Variants in TENM2 observed in about 807,000 individuals in gnomAD.
TENM2 encodes the protein teneurin transmembrane protein 2, also known as teneurin-2.
A neutral mutation model predicts 245.2 loss-of-function variants in TENM2; 52 were observed. The ratio of observed to expected loss-of-function variants is 0.21; its 90% CI spans 0.17 to 0.27. The LOEUF (loss-of-function observed/expected upper bound fraction) is 0.27. TENM2 is among the 10% of genes least tolerant of loss of function. The pLI is 1.00. For missense variants in TENM2, 3,046 were observed against 3,666.8 expected, an observed-to-expected ratio of 0.83 and a Z score of 4.37; for synonymous variants, 1,363 against 1,438.9, an observed-to-expected ratio of 0.95 and a Z score of 1.19.
intron 13 of TENM2, among the ~76,000 whole-genome samples, chr5:168,165,619 A>T (rs1381454152): frequency 2.2e-4 from 24 of 107,194 alleles, no homozygotes; most frequent in South Asian, 1.1e-3. Context: ...AGGGTTGCCC[A>T]CCAGGCACAA....
the TENM2 span, among the ~76,000 whole-genome samples, chr5:167,202,723 C>G: frequency 2.6e-5 from 4 of 152,126 alleles, no homozygotes; most frequent in Non-Finnish European, 5.9e-5. Flanking sequence ...ATCAGGACAT[C>G]TCTAAACTAT....
chr5:167,808,928 A>G (rs994718088), intron 2 of TENM2, among the ~76,000 whole-genome samples: 1 of 152,204 alleles, frequency 6.6e-6, no homozygotes, highest in Non-Finnish European at 1.5e-5. Context: ...TGCAAGATGT[A>G]TCATTGTTTT....
At chr5:167,986,635 T>C (rs1439063466) in intron 4 of TENM2, among the ~76,000 whole-genome samples, 2 of 152,130 alleles carry the variant, frequency 1.3e-5, no homozygotes, top group African/African-American at 2.4e-5. Flanking sequence ...CTGAGAGCAA[T>C]TGAGTTGTGC....
chr5:167,087,333 G>A, the TENM2 span, among the ~76,000 whole-genome samples: 2 of 152,134 alleles, frequency 1.3e-5, no homozygotes, highest in African/African-American at 4.8e-5. Flanking sequence ...ATCTACATGA[G>A]CAGAACTTTC....
At chr5:167,577,738 G>A (rs1393418893) in intron 2 of TENM2, among the ~76,000 whole-genome samples, 1 of 151,864 alleles carries the variant, frequency 6.6e-6, no homozygotes, top group Non-Finnish European at 1.5e-5. Context: ...GCTATCGAGC[G>A]CTGACTATAT....
At chr5:168,021,338 G>T (rs535069157) in intron 5 of TENM2, among the ~76,000 whole-genome samples, 1 of 152,318 alleles carries the variant, frequency 6.6e-6, no homozygotes, top group Non-Finnish European at 1.5e-5. Context: ...AGCAGTATTT[G>T]CTTAAAGGAG....
At chr5:167,225,051 G>T in the TENM2 span, among the ~76,000 whole-genome samples, 1 of 151,838 alleles carries the variant, frequency 6.6e-6, no homozygotes, top group East Asian at 1.9e-4. Context: ...TATGTTTATT[G>T]TGTATCCTGC....
At chr5:167,968,659 T>TAAC (rs1159277809) in intron 4 of TENM2, among the ~76,000 whole-genome samples, 3 of 152,232 alleles carry the variant, frequency 2.0e-5, no homozygotes, top group Non-Finnish European at 2.9e-5. Context: ...TTGCTTTACT[T>TAAC]AACACTGGTA....
At chr5:168,165,648 A>ACCCCCCCCCCCCCCC (rs34203413) in intron 13 of TENM2, among the ~76,000 whole-genome samples, 7 of 30,942 alleles carry the variant, frequency 2.3e-4, no homozygotes, top group Non-Finnish European at 2.8e-4. Context: ...CCCCCCCCCA[A>ACCCCCCCCCCCCCCC]CCCCCCCCCC....
chr5:167,524,884 T>G (rs1391363945), intron 2 of TENM2, among the ~76,000 whole-genome samples: 3 of 151,852 alleles, frequency 2.0e-5, no homozygotes, highest in Non-Finnish European at 2.9e-5. Flanking sequence ...TTCTCTCTAT[T>G]ACAAATTAAA....
chr5:167,104,551 T>C, the TENM2 span, among the ~76,000 whole-genome samples: 2 of 152,228 alleles, frequency 1.3e-5, no homozygotes, highest in Non-Finnish European at 2.9e-5. Flanking sequence ...TGCCTTACCT[T>C]GTAAAGGGTA....
At chr5:168,108,283 C>A (rs1794410978) in intron 9 of TENM2, among the ~76,000 whole-genome samples, 1 of 152,192 alleles carries the variant, frequency 6.6e-6, no homozygotes, top group Non-Finnish European at 1.5e-5. Context: ...AATTTACGTG[C>A]ATTATGTCAT....
intron 9 of TENM2, among the ~76,000 whole-genome samples, chr5:168,107,556 G>C (rs1225493309): frequency 4.0e-5 from 1 of 25,122 alleles, no homozygotes; most frequent in African/African-American, 1.6e-4. Flanking sequence ...CAAGCCTCCT[G>C]GGGGGGGGGT....
At chr5:167,882,986 T>C (rs1486244270) in intron 3 of TENM2, among the ~76,000 whole-genome samples, 1 of 152,156 alleles carries the variant, frequency 6.6e-6, no homozygotes, top group Non-Finnish European at 1.5e-5. Flanking sequence ...TGTTAGAGGC[T>C]CCCCAACTCC....
intron 25 of TENM2, 30 bp downstream of exon 27, chr5:168,228,160 A>G (rs765258730): frequency 1.4e-5 from 22 of 1,553,080 alleles, no homozygotes; most frequent in Non-Finnish European, 2.0e-5. Context: ...CTGTTACCAC[A>G]GAGTGGGAGG....
intron 2 of TENM2, among the ~76,000 whole-genome samples, chr5:167,480,229 C>T (rs1767669587): frequency 2.0e-5 from 3 of 152,274 alleles, no homozygotes; most frequent in African/African-American, 7.2e-5. Context: ...TAACTGACTG[C>T]TTACTTCCCC....
intron 3 of TENM2, among the ~76,000 whole-genome samples, chr5:167,928,895 C>CAAAA (rs767167658): frequency 4.6e-5 from 1 of 21,560 alleles, no homozygotes; most frequent in African/African-American, 1.9e-4. Flanking sequence ...GACCCTGGCT[C>CAAAA]AAAAAAAAAA....
At chr5:167,028,512 C>G in the TENM2 span, among the ~76,000 whole-genome samples, 30 of 151,852 alleles carry the variant, frequency 2.0e-4, no homozygotes, top group African/African-American at 7.0e-4. Context: ...AAATGTATCA[C>G]TTTGATTTTT....
At chr5:167,771,024 G>C (rs1000362291) in intron 2 of TENM2, among the ~76,000 whole-genome samples, 2 of 152,020 alleles carry the variant, frequency 1.3e-5, no homozygotes, top group African/African-American at 4.8e-5. Flanking sequence ...AATAACCTGA[G>C]ATTTAATATG....
Sources: allele counts gnomAD v4.1 joint callset (sites outside exome capture counted in the v4.1 genomes callset), GRCh38; gene constraint gnomAD v4.1.1; transcripts MANE v1.5; gene names NCBI Gene and HGNC (gene_info 2026-07-23, HGNC 2026-07-21).